Variants in TMEM132B observed in about 807,000 individuals in gnomAD.
TMEM132B encodes the protein transmembrane protein 132B.
TMEM132B carries 18 observed loss-of-function variants against 90.8 expected under a neutral mutation model. The observed-to-expected ratio is 0.20, with a 90% confidence interval of 0.14 to 0.29. TMEM132B has a LOEUF of 0.29. TMEM132B is among the 10% of genes least tolerant of loss of function. The pLI is 1.00. For synonymous variants in TMEM132B, 504 were observed against 523.3 expected, an observed-to-expected ratio of 0.96 and a Z score of 0.50; for missense variants, 1,096 against 1,326.8, an observed-to-expected ratio of 0.83 and a Z score of 2.70.
intron 2 of TMEM132B, among the ~76,000 whole-genome samples, chr12:125,392,946 C>T (rs418105): frequency 0.36 from 54,197 of 152,062 alleles, 11,076 homozygotes; most frequent in East Asian, 0.81. Flanking sequence ...CTGGGGGCCC[C>T]GTGATCCGAT....
intron 5 of TMEM132B, chr12:125,586,783 C>T (rs1194602902): frequency 1.3e-5 from 2 of 152,144 alleles, no homozygotes; most frequent in Admixed American, 1.3e-4. Context: ...GTGATGCTGG[C>T]AATTCGGCTA....
chr12:125,627,807 C>G (rs1057431107), intron 5 of TMEM132B, among the ~76,000 whole-genome samples: 1 of 152,112 alleles, frequency 6.6e-6, no homozygotes, highest in African/African-American at 2.4e-5. Context: ...CCACCTCCCC[C>G]ACAGCACCCA....
rs973277359 is a variant in TMEM132B, at chr12:125,415,805, G to C, written c.1106+128G>C. 6 of 1,249,716 alleles carry C rather than the reference G, an allele frequency of 4.8e-6. No homozygotes were observed. The Admixed American group carries it at 1.4e-4, about 28-fold the overall frequency. 77.4% of individuals were successfully genotyped at this position (1,249,716 alleles called of 1,614,324 possible). A position where few individuals can be genotyped will look rare whatever the true frequency, so the allele number is the denominator to read the frequency against. On this transcript the variant is annotated intron_variant, in intron 3 of 8. Transcript: ENST00000682704. This position sits in a 1 kb window ranked among gnomAD's most constrained non-coding sequence, Gnocchi z 5.3. ...GCGTTTAATGAGAAATGATTTTTGA[G>C]GTCGGCAGTCTCAAAAATCACCAGA...
At chr12:125,578,165 G>A (rs1045616001) in intron 4 of TMEM132B, among the ~76,000 whole-genome samples, 6 of 152,010 alleles carry the variant, frequency 3.9e-5, no homozygotes, top group Non-Finnish European at 8.8e-5. Context: ...TTGATCTTAT[G>A]ACTAGTTGTT....
intron 3 of TMEM132B, among the ~76,000 whole-genome samples, chr12:125,426,961 G>A (rs2136389776): frequency 6.6e-6 from 1 of 152,380 alleles, no homozygotes; most frequent in Admixed American, 6.5e-5. Flanking sequence ...AGGCTTCTCA[G>A]AGGAGGTGAC....
intron 2 of TMEM132B, among the ~76,000 whole-genome samples, chr12:125,376,900 G>A (rs903541382): frequency 3.9e-5 from 6 of 152,248 alleles, no homozygotes; most frequent in Admixed American, 3.3e-4. Context: ...GTGGGGAGCA[G>A]GGAAGAAAAC....
At chr12:125,211,248 A>G (rs1005994305) in intron 1 of TMEM132B, among the ~76,000 whole-genome samples, 1 of 152,100 alleles carries the variant, frequency 6.6e-6, no homozygotes, top group African/African-American at 2.4e-5. Context: ...CTGTGATTGG[A>G]AACTCCAGGT....
chr12:125,444,947 G>C (rs898575403), intron 3 of TMEM132B, among the ~76,000 whole-genome samples: 1 of 152,050 alleles, frequency 6.6e-6, no homozygotes, highest in Admixed American at 6.6e-5. Flanking sequence ...AACCACGGAA[G>C]GCAATTCTTT....
intron 2 of TMEM132B, among the ~76,000 whole-genome samples, chr12:125,395,196 T>A (rs981523947): frequency 9.0e-4 from 137 of 152,320 alleles, no homozygotes; most frequent in African/African-American, 3.2e-3. Flanking sequence ...GGTGAACCGT[T>A]GAGTGTGTCT....
chr12:125,288,952 G>T (rs1303774076), intron 1 of TMEM132B, among the ~76,000 whole-genome samples: 1 of 152,208 alleles, frequency 6.6e-6, no homozygotes, highest in Non-Finnish European at 1.5e-5. Flanking sequence ...CAAAGGGCAG[G>T]CGGTGCCATG....
chr12:125,610,643 ATG>A (rs748695487), intron 5 of TMEM132B, among the ~76,000 whole-genome samples: 1 of 150,704 alleles, frequency 6.6e-6, no homozygotes, highest in Non-Finnish European at 1.5e-5. Context: ...CTCTCTCTGT[ATG>A]TGTGTGTGTA....
At chr12:125,611,344 T>TAA (rs1004312993) in intron 5 of TMEM132B, among the ~76,000 whole-genome samples, 1 of 151,756 alleles carries the variant, frequency 6.6e-6, no homozygotes, top group African/African-American at 2.4e-5. Flanking sequence ...GTTGATATTT[T>TAA]AAAAAAAACA....
At chr12:125,531,932 C>T (rs1237009722) in intron 4 of TMEM132B, among the ~76,000 whole-genome samples, 1 of 152,252 alleles carries the variant, frequency 6.6e-6, no homozygotes, top group African/African-American at 2.4e-5. Context: ...TGCAAGCCAA[C>T]TACCCACACT....
At position 125,231,973 on chromosome 12, in the gene TMEM132B, TG is replaced by T. The variant is rs1873836662; in HGVS notation, c.67+45110del. ...ATATATGCACAAACCAGTCCATGTA[TG>T]GGTGTGTGTGTTTTTTAAAAATCTA... On this transcript the variant is annotated intron_variant, in intron 1 of 8. Coordinates refer to ENST00000682704, the MANE Select transcript of TMEM132B (RefSeq NM_001366854.1). 2.0e-5 allele frequency among the ~76,000 whole-genome samples: 3 copies of T among 152,052 alleles called. No homozygotes were observed. In the South Asian group the frequency reaches 6.2e-4, roughly 32 times the overall value.
At chr12:125,487,661 G>A (rs1325649266) in intron 3 of TMEM132B, among the ~76,000 whole-genome samples, 1 of 152,176 alleles carries the variant, frequency 6.6e-6, no homozygotes, top group Non-Finnish European at 1.5e-5. Flanking sequence ...CATCCGTCAG[G>A]CTGCAGATAC....
intron 3 of TMEM132B, among the ~76,000 whole-genome samples, chr12:125,449,884 C>T (rs1881104694): frequency 6.6e-6 from 1 of 152,130 alleles, no homozygotes; most frequent in Non-Finnish European, 1.5e-5. Flanking sequence ...AATGAGTCAA[C>T]ATTTTAGTGT....
At chr12:125,334,465 TG>T (rs1190145545) in intron 1 of TMEM132B, among the ~76,000 whole-genome samples, 2 of 152,224 alleles carry the variant, frequency 1.3e-5, no homozygotes, top group African/African-American at 4.8e-5. Context: ...GTTAAGTGGC[TG>T]GAAGGAATAC....
intron 1 of TMEM132B, among the ~76,000 whole-genome samples, chr12:125,289,938 C>A (rs1000439359): frequency 1.3e-5 from 2 of 152,220 alleles, no homozygotes; most frequent in African/African-American, 4.8e-5. Context: ...CCTAGTCATG[C>A]TGCTGACATA....
At position 125,583,743 on chromosome 12, in the gene TMEM132B, A is replaced by G. The variant is rs77810782; in HGVS notation, c.1294-108A>G. The G allele has an allele frequency of 1.9e-3, 2,500 of 1,340,054 alleles. 46 individuals are homozygous for G. The African/African-American group carries it at 0.033, about 18-fold the overall frequency. 83.0% of individuals were successfully genotyped at this position (1,340,054 alleles called of 1,614,324 possible). On this transcript the variant is annotated intron_variant, in intron 4 of 8. Coordinates refer to ENST00000682704, the MANE Select transcript of TMEM132B (RefSeq NM_001366854.1). Reference sequence around the variant, plus strand: ...TTTGTCCCTTCAGACAACTGTCTAAATCGCAGAACGAGAATGAAGGCAGTA... The same window carrying G: ...TTTGTCCCTTCAGACAACTGTCTAAGTCGCAGAACGAGAATGAAGGCAGTA...
Sources: gnomAD v4.1 joint callset for allele counts (sites outside exome capture counted in the v4.1 genomes callset) on GRCh38, gnomAD v4.1.1 for gene constraint, Gnocchi (gnomAD v3.1) non-coding constraint, MANE v1.5 for transcripts, NCBI Gene and HGNC (gene_info 2026-07-23, HGNC 2026-07-21) for gene names.